The following TSBP1 variants were observed in gnomAD, a reference collection of about 807,000 sequenced individuals.
TSBP1 encodes the protein testis expressed basic protein 1.
Under a neutral mutation model 68.8 loss-of-function variants are expected in TSBP1, and 56 were observed. That is an observed-to-expected ratio of 0.81 (90% CI 0.66 to 1.02). The LOEUF (loss-of-function observed/expected upper bound fraction) is 1.02. TSBP1 is among the 50% of genes least tolerant of loss of function. TSBP1 has a pLI of 0.00. For synonymous variants in TSBP1, 171 were observed against 208.7 expected (o/e 0.82, Z 1.56); for missense variants, 502 against 641.2 (o/e 0.78, Z 2.34).
chr6:32,345,394 A>G (rs1428419405), intron 9 of TSBP1, among the ~76,000 whole-genome samples: 1 of 152,122 alleles, frequency 6.6e-6, no homozygotes, highest in African/African-American at 2.4e-5. Flanking sequence ...TATAAAGTAT[A>G]TAATTCTCAC....
chr6:32,335,257 T>C lies in TSBP1; in HGVS notation c.472+180A>G, dbSNP rs1483560897. Reference sequence around the variant, plus strand: ...TTTTTCACTTTGCATTTCAGCTTCATAGTTAATATATTTTTATTGCAGAAC... The same window carrying C: ...TTTTTCACTTTGCATTTCAGCTTCACAGTTAATATATTTTTATTGCAGAAC... On this transcript the variant is annotated intron_variant, in intron 14 of 22. Transcript: ENST00000612031. The surrounding 1 kb of genome is among the most constrained non-coding windows in gnomAD (Gnocchi z 5.5). Among the ~76,000 whole-genome samples, 1 of 152,136 alleles carries C rather than the reference T, an allele frequency of 6.6e-6. No individual in the cohort carries two copies. The highest frequency in any genetic ancestry group is 1.5e-5 in the Non-Finnish European group (1 of 68,030).
chr6:32,352,414 A>G (rs867438957), intron 8 of TSBP1, among the ~76,000 whole-genome samples: 1 of 151,902 alleles, frequency 6.6e-6, no homozygotes, highest in Non-Finnish European at 1.5e-5. Context: ...AGGATACATA[A>G]AACAAAATCC....
rs1335775725 is a variant in TSBP1 at position 32,316,792 on chromosome 6, C to T, written c.560-1000G>A. Among the ~76,000 whole-genome samples, 1 of 152,104 alleles carries T rather than the reference C, an allele frequency of 6.6e-6. No individual in the cohort carries two copies. Among genetic ancestry groups the T allele is most frequent in the Non-Finnish European group, 1.5e-5 (1 of 68,014 alleles). On this transcript the variant is annotated intron_variant, in intron 18 of 22. Transcript: ENST00000612031. This position sits in a 1 kb window ranked among gnomAD's most constrained non-coding sequence, Gnocchi z 4.5. ...GGGAGCTTTGAGTCAGGTAGCTGCA[C>T]ACAGAGTTAGAAATGAGTAGGGTAG...
chr6:32,329,084 A>G (rs562201723), intron 16 of TSBP1, among the ~76,000 whole-genome samples: 4 of 152,274 alleles, frequency 2.6e-5, no homozygotes, highest in South Asian at 4.1e-4. Context: ...AATTTTTGTT[A>G]AAGTCATTTA....
In TSBP1 at chr6:32,306,235, A is replaced by G. The variant is rs899523418; in HGVS notation, c.581-3606T>C. The stretch of plus-strand genomic sequence containing the variant: ...TAAGGGGGAATTATGTAAACAACTA[A>G]TTATGTTTTGTTAAAGATTTACGGG... On this transcript the variant is annotated intron_variant, in intron 19 of 22. Transcript: ENST00000612031. This position sits in a 1 kb window ranked among gnomAD's most constrained non-coding sequence, Gnocchi z 5.1. Among the ~76,000 whole-genome samples, 1 of 152,212 alleles carries G rather than the reference A, an allele frequency of 6.6e-6. No individual in the cohort carries two copies. The highest frequency in any genetic ancestry group is 1.5e-5 in the Non-Finnish European group (1 of 68,036).
rs1767623831 is a variant in TSBP1, at chr6:32,321,401, C to T, written c.559+1716G>A. ...TGACTTCTCTGAAAAGGACACTATGCCTTCAATTTGGATTTTGGCTTGTAA... is the reference window on the plus strand; with the variant it reads ...TGACTTCTCTGAAAAGGACACTATGTCTTCAATTTGGATTTTGGCTTGTAA... On this transcript the variant is annotated intron_variant, in intron 18 of 22. Transcript: ENST00000612031. This position sits in a 1 kb window ranked among gnomAD's most constrained non-coding sequence, Gnocchi z 4.3. Among the ~76,000 whole-genome samples the T allele has an allele frequency of 6.6e-6, 1 of 152,114 alleles. No individual in the cohort carries two copies. The highest frequency in any genetic ancestry group is 2.4e-5 in the African/African-American group (1 of 41,410).
chr6:32,327,171 A>G (rs970667970), intron 16 of TSBP1, among the ~76,000 whole-genome samples: 7 of 152,226 alleles, frequency 4.6e-5, no homozygotes, highest in Non-Finnish European at 1.0e-4. Flanking sequence ...AGCAAAAGAA[A>G]TGAAGAAATG....
In TSBP1 at chr6:32,335,231, A is replaced by G. The variant is rs906110984; in HGVS notation, c.472+206T>C. ...AGCTTAGGACCATCTCTAGCAGGAT[A>G]TTTTTCACTTTGCATTTCAGCTTCA... On this transcript the variant is annotated intron_variant, in intron 14 of 22. Transcript: ENST00000612031. This position sits in a 1 kb window ranked among gnomAD's most constrained non-coding sequence, Gnocchi z 5.5. Among the ~76,000 whole-genome samples, 1 of 152,056 alleles carries G rather than the reference A, an allele frequency of 6.6e-6. No individual in the cohort carries two copies. Among genetic ancestry groups the G allele is most frequent in the Non-Finnish European group, 1.5e-5 (1 of 68,010 alleles).
chr6:32,298,447 C>CT (rs1764930098), intron 22 of TSBP1, among the ~76,000 whole-genome samples: 1 of 152,116 alleles, frequency 6.6e-6, no homozygotes, highest in African/African-American at 2.4e-5. Context: ...GGCATGGTGG[C>CT]ACATGCCTGT....
At chr6:32,326,082 T>C in intron 16 of TSBP1, 1 of 1,397,842 alleles carries the variant, frequency 7.2e-7, no homozygotes, top group Middle Eastern at 2.5e-4. Context: ...GTGGCCTCTA[T>C]GGTGGTGGAG....
chr6:32,292,746 GTCTT>G lies in TSBP1; in HGVS notation c.*231_*234del. ...AATGTTTTACTTCAGAAAGTATCCA[GTCTT>G]TCTTGACGGAATCATATACGTCTTA... On this transcript the variant is annotated 3_prime_UTR_variant, in exon 23 of 23. Transcript: ENST00000612031. This position sits in a 1 kb window ranked among gnomAD's most constrained non-coding sequence, Gnocchi z 4.1. 4.2e-6 allele frequency: 2 copies of G among 473,880 alleles called. No individual in the cohort carries two copies. The highest frequency in any genetic ancestry group is 7.3e-6 in the Non-Finnish European group (2 of 272,784). The allele number at this position is 473,880 out of a possible 1,614,324, so 29.4% of individuals were successfully genotyped here.
intron 17 of TSBP1, 80 bp from the exon 19 acceptor site, chr6:32,323,217 G>T: frequency 1.1e-6 from 1 of 885,744 alleles, no homozygotes; most frequent in Non-Finnish European, 1.9e-6. Flanking sequence ...TTGTGTAGGG[G>T]AGAAACTTGG....
Position 32,347,323 on chromosome 6 carries a change from C to T in TSBP1, c.349+2417G>A, listed in dbSNP as rs368021318. On this transcript the variant is annotated intron_variant, in intron 9 of 22. Coordinates refer to ENST00000612031, the Ensembl canonical transcript of TSBP1. ...GGACCACAGGTGCACACCACCATGC[C>T]AGCTAATTTTTTATTCATTGTAGAG... Among the ~76,000 whole-genome samples, 129 of 145,588 alleles carry T rather than the reference C, an allele frequency of 8.9e-4. No homozygotes were observed. The Middle Eastern group carries it at 0.01, about 12-fold the overall frequency.
At chr6:32,358,966 G>A (rs1772672428) in intron 6 of TSBP1, among the ~76,000 whole-genome samples, 1 of 147,524 alleles carries the variant, frequency 6.8e-6, no homozygotes, top group African/African-American at 2.6e-5. Context: ...TGTGCACAAT[G>A]TGCAGGTTAG....
chr6:32,300,091 C>A (rs972504537), intron 21 of TSBP1, among the ~76,000 whole-genome samples, 155 bp from the exon 25 acceptor site: 2 of 152,108 alleles, frequency 1.3e-5, no homozygotes, highest in Non-Finnish European at 2.9e-5. Context: ...GGCCAATGCT[C>A]CATATCGCAC....
At chr6:32,359,973 G>A (rs1185517619) in intron 6 of TSBP1, among the ~76,000 whole-genome samples, 2 of 151,982 alleles carry the variant, frequency 1.3e-5, no homozygotes, top group Non-Finnish European at 2.9e-5. Flanking sequence ...TGTATACATT[G>A]TGAAATGATT....
intron 20 of TSBP1, among the ~76,000 whole-genome samples, chr6:32,301,731 A>T (rs114049934): frequency 0.038 from 5,766 of 151,420 alleles, 312 homozygotes; most frequent in African/African-American, 0.12. Flanking sequence ...AAAAGCACAG[A>T]ATAATAAGAA....
At chr6:32,318,072 C>T (rs529237670) in intron 18 of TSBP1, among the ~76,000 whole-genome samples, 1 of 152,272 alleles carries the variant, frequency 6.6e-6, no homozygotes, top group Non-Finnish European at 1.5e-5. Flanking sequence ...CAACGATAGA[C>T]TGGATAAATA....
chr6:32,331,984 G>A, intron 15 of TSBP1, 50 bp downstream of exon 16: 5 of 1,371,910 alleles, frequency 3.6e-6, no homozygotes, highest in Non-Finnish European at 5.2e-6. Flanking sequence ...GTCTCCTTCA[G>A]ACATAGTAAG....
Sources: allele counts gnomAD v4.1 joint callset (sites outside exome capture counted in the v4.1 genomes callset), GRCh38; gene constraint gnomAD v4.1.1; non-coding constraint Gnocchi (gnomAD v3.1); transcripts MANE v1.5; gene names NCBI Gene and HGNC (gene_info 2026-07-23, HGNC 2026-07-21).